RGS6: variants seen among roughly 807,000 people sequenced by gnomAD.
The protein encoded by RGS6 is regulator of G protein signaling 6.
In RGS6, 30 loss-of-function variants were observed where a neutral mutation model predicts 78.5. That is an observed-to-expected ratio of 0.38 (90% CI 0.29 to 0.52). The LOEUF is 0.52. RGS6 is among the 20% of genes least tolerant of loss of function. The pLI is 0.85. For synonymous variants in RGS6, 206 were observed against 206.0 expected, an observed-to-expected ratio of 1.00 and a Z score of 0.00; for missense variants, 495 against 609.7, an observed-to-expected ratio of 0.81 and a Z score of 1.98.
chr14:72,481,599 G>A (rs1275886406), intron 12 of RGS6, among the ~76,000 whole-genome samples: 1 of 152,124 alleles, frequency 6.6e-6, no homozygotes, highest in Non-Finnish European at 1.5e-5. Flanking sequence ...TCTGTCCATT[G>A]TCTTCCTGAG....
At chr14:72,402,280 G>A (rs1193339358) in intron 3 of RGS6, among the ~76,000 whole-genome samples, 2 of 152,238 alleles carry the variant, frequency 1.3e-5, no homozygotes, top group Non-Finnish European at 2.9e-5. Flanking sequence ...AGGGCAAGGA[G>A]GCACAGAAGT....
the RGS6 span, among the ~76,000 whole-genome samples, chr14:71,896,192 C>T: frequency 6.6e-6 from 1 of 152,100 alleles, no homozygotes; most frequent in Non-Finnish European, 1.5e-5. Context: ...TAATTCAGGT[C>T]AACTCCACAG....
At chr14:72,191,360 C>T (rs1314091351) in intron 2 of RGS6, among the ~76,000 whole-genome samples, 1 of 152,214 alleles carries the variant, frequency 6.6e-6, no homozygotes, top group Non-Finnish European at 1.5e-5. Flanking sequence ...GGCCTCAGTG[C>T]ACTCTCTGGC....
At chr14:72,099,188 GTCTC>G (rs1158576847) in intron 2 of RGS6, among the ~76,000 whole-genome samples, 1 of 152,006 alleles carries the variant, frequency 6.6e-6, no homozygotes, top group Admixed American at 6.6e-5. Flanking sequence ...TTGAAATGGA[GTCTC>G]TCTGTCACCC....
chr14:72,413,324 A>G (rs1302276790), intron 3 of RGS6, among the ~76,000 whole-genome samples: 34 of 152,108 alleles, frequency 2.2e-4, no homozygotes, highest in South Asian at 8.3e-4. Context: ...ATTATGTAAT[A>G]GCCTTCTTTG....
intron 2 of RGS6, among the ~76,000 whole-genome samples, chr14:72,282,944 C>T (rs2061836512): frequency 6.6e-6 from 1 of 152,204 alleles, no homozygotes; most frequent in Non-Finnish European, 1.5e-5. Flanking sequence ...TCCCTACCCC[C>T]AGCCCCTGGC....
intron 3 of RGS6, among the ~76,000 whole-genome samples, chr14:72,423,666 A>G (rs1199695581): frequency 1.4e-5 from 2 of 138,750 alleles, no homozygotes; most frequent in African/African-American, 5.2e-5. Flanking sequence ...ACTGAAGACT[A>G]CTAGAGGGGG....
intron 2 of RGS6, among the ~76,000 whole-genome samples, chr14:72,169,256 G>A (rs1044683307): frequency 1.3e-5 from 2 of 152,098 alleles, no homozygotes; most frequent in African/African-American, 2.4e-5. Flanking sequence ...TCAGGAATAC[G>A]TTTTTTGATT....
rs116194502 is a variant in RGS6, at chr14:72,526,860, C to T, written c.1278+8323C>T. Among the ~76,000 whole-genome samples the T allele has an allele frequency of 3.2e-3, 489 of 152,334 alleles. 4 individuals carry two copies. The highest frequency in any genetic ancestry group is 0.011 in the African/African-American group (469 of 41,570). On this transcript the variant is annotated intron_variant, in intron 15 of 17. Transcript: ENST00000553525. ...ACTGATTTGTGATCCACTTCAAGTCCTCACCACTGTGCTGTCCTGCAAGAA... is the reference window on the plus strand; with the variant it reads ...ACTGATTTGTGATCCACTTCAAGTCTTCACCACTGTGCTGTCCTGCAAGAA...
At chr14:72,223,125 T>C (rs951396812) in intron 2 of RGS6, among the ~76,000 whole-genome samples, 1 of 152,206 alleles carries the variant, frequency 6.6e-6, no homozygotes, top group Admixed American at 6.5e-5. Flanking sequence ...TTGATGAAAT[T>C]TTCTCGTTAG....
At chr14:72,582,679 C>A in the RGS6 span, among the ~76,000 whole-genome samples, 94 of 152,236 alleles carry the variant, frequency 6.2e-4, no homozygotes, top group African/African-American at 2.1e-3. Context: ...TTCTGTGAGT[C>A]TTATCACCGA....
chr14:71,970,239 A>C (rs1186651509), intron 2 of RGS6, among the ~76,000 whole-genome samples: 1 of 152,218 alleles, frequency 6.6e-6, no homozygotes, highest in Non-Finnish European at 1.5e-5. Context: ...GTTTTAGAGG[A>C]AGACAAAAAA....
intron 2 of RGS6, among the ~76,000 whole-genome samples, chr14:72,336,687 G>T (rs2076090026): frequency 6.6e-6 from 1 of 152,166 alleles, no homozygotes; most frequent in Non-Finnish European, 1.5e-5. Context: ...ACATTAGCTT[G>T]CTAGGGCTGC....
chr14:72,315,830 T>G (rs529271889), intron 2 of RGS6, among the ~76,000 whole-genome samples: 4 of 152,306 alleles, frequency 2.6e-5, no homozygotes, highest in African/African-American at 7.2e-5. Context: ...CACCACTTAT[T>G]TACACAAGTA....
At chr14:72,040,636 A>C (rs1015014831) in intron 2 of RGS6, among the ~76,000 whole-genome samples, 18 of 152,034 alleles carry the variant, frequency 1.2e-4, no homozygotes, top group Non-Finnish European at 1.8e-4. Flanking sequence ...ACTTTCTTGA[A>C]TTTAGATGTT....
the RGS6 span, among the ~76,000 whole-genome samples, chr14:71,916,920 A>G: frequency 6.6e-6 from 1 of 152,194 alleles, no homozygotes; most frequent in Admixed American, 6.5e-5. Flanking sequence ...CTAGGTGAGG[A>G]CCATATGAAA....
intron 2 of RGS6, among the ~76,000 whole-genome samples, chr14:72,184,705 G>T (rs367799019): frequency 1.3e-5 from 2 of 152,098 alleles, no homozygotes; most frequent in Non-Finnish European, 2.9e-5. Context: ...AGTCTAATTT[G>T]CCTTTCTGTC....
intron 2 of RGS6, among the ~76,000 whole-genome samples, chr14:72,012,088 A>G (rs1467643221): frequency 1.3e-5 from 2 of 152,228 alleles, no homozygotes; most frequent in Admixed American, 1.3e-4. Context: ...AATAACAATT[A>G]TGTATCAGTA....
At chr14:71,982,645 A>C (rs953700180) in intron 2 of RGS6, among the ~76,000 whole-genome samples, 3 of 152,210 alleles carry the variant, frequency 2.0e-5, no homozygotes, top group African/African-American at 7.2e-5. Flanking sequence ...TGACACTGCC[A>C]AAAGCTCTGT....
Sources: allele counts gnomAD v4.1 joint callset (sites outside exome capture counted in the v4.1 genomes callset), GRCh38; gene constraint gnomAD v4.1.1; transcripts MANE v1.5; gene names NCBI Gene and HGNC (gene_info 2026-07-23, HGNC 2026-07-21).